Variants in CLUH observed in about 807,000 individuals in gnomAD.
CLUH encodes clustered mitochondria protein homolog.
A neutral mutation model predicts 139.3 loss-of-function variants in CLUH; 77 were observed. That is an observed-to-expected ratio of 0.55 (90% CI 0.46 to 0.67). The LOEUF (loss-of-function observed/expected upper bound fraction) is 0.67. Among genes scored for constraint, CLUH ranks in the 30% least tolerant of loss-of-function variants. The pLI is 0.00. For synonymous variants in CLUH, 999 were observed against 801.6 expected, an observed-to-expected ratio of 1.25 and a Z score of -4.16; for missense variants, 1,876 against 1,875.8, an observed-to-expected ratio of 1.00 and a Z score of 0.00.
Position 2,703,665 on chromosome 17 carries a change from C to G in CLUH, c.304-176G>C, listed in dbSNP as rs1236593566. Among the ~76,000 whole-genome samples, 1 of 152,204 alleles carries G rather than the reference C, an allele frequency of 6.6e-6. No homozygotes were observed. Among genetic ancestry groups the G allele is most frequent in the Non-Finnish European group, 1.5e-5 (1 of 68,030 alleles). On this transcript the variant is annotated intron_variant, in intron 2 of 25. Coordinates refer to ENST00000651024, the MANE Select transcript of CLUH (RefSeq NM_001366661.1). This position sits in a 1 kb window ranked among gnomAD's most constrained non-coding sequence, Gnocchi z 4.2. The stretch of plus-strand genomic sequence containing the variant: ...CCCCAAATACTCGAATATCGGCTAT[C>G]CCACTTTCTGGCTTTTAAATCCAGG...
chr17:2,709,891 G>A (rs559064130), intron 1 of CLUH, among the ~76,000 whole-genome samples: 5 of 152,248 alleles, frequency 3.3e-5, no homozygotes, highest in African/African-American at 4.8e-5. Context: ...TCCTGCCCAC[G>A]AGTATGCTCC....
intron 12 of CLUH, 22 bp from the exon 13 acceptor site, chr17:2,696,281 G>A: frequency 1.3e-6 from 2 of 1,553,504 alleles, no homozygotes; most frequent in Non-Finnish European, 1.7e-6. Context: ...AGAGCAGAGA[G>A]GCTGAGCCAG....
intron 3 of CLUH, 88 bp from the exon 4 acceptor site, chr17:2,702,145 A>G (rs2070209622): frequency 6.8e-7 from 1 of 1,465,190 alleles, no homozygotes; most frequent in African/African-American, 1.4e-5. Flanking sequence ...TGGAGGTGCT[A>G]ACACAGTGGT....
At position 2,690,181 on chromosome 17, in the gene CLUH, T is replaced by G. The variant is rs2069567064; in HGVS notation, c.*413A>C. The G allele has an allele frequency of 5.7e-6, 1 of 175,682 alleles. No individual in the cohort carries two copies. Among genetic ancestry groups the G allele is most frequent in the African/African-American group, 2.4e-5 (1 of 42,378 alleles). 10.9% of individuals were successfully genotyped at this position (175,682 alleles called of 1,614,324 possible). ...CATCATGTCGACCATACAAATGACCTGAGAAATCCCGTCTGCGCGTCACCC... is the reference window on the plus strand; with the variant it reads ...CATCATGTCGACCATACAAATGACCGGAGAAATCCCGTCTGCGCGTCACCC... On this transcript the variant is annotated 3_prime_UTR_variant, in exon 26 of 26. Transcript: ENST00000651024.
chr17:2,694,193 G>A lies in CLUH; in HGVS notation c.3021C>T (p.Val1007=), dbSNP rs761213320. Residue 1007 remains valine, a synonymous_variant, in exon 18 of 26, where the codon GTC becomes GTT. Coordinates refer to ENST00000651024, the MANE Select transcript of CLUH (RefSeq NM_001366661.1). ...EEDVLNIFPV[V]KHVNPKASDA... is the part of the protein sequence containing the mutation. ...CCGAGGCCTTGGGGTTGACGTGCTT[G>A]ACCACGGGGAAGATGTTGAGCACGT... The A allele has an allele frequency of 6.2e-7, 1 of 1,613,302 alleles. No individual in the cohort carries two copies. The highest frequency in any genetic ancestry group is 8.5e-7 in the Non-Finnish European group (1 of 1,179,618).
rs532925246 is a variant in CLUH at position 2,691,562 on chromosome 17, CA to C, written c.3863+46del. The C allele has an allele frequency of 1.7e-4, 266 of 1,583,698 alleles. No individual in the cohort carries two copies. The African/African-American group carries it at 3.2e-3, about 19-fold the overall frequency. ...GGTGACAGGGCGAGACTCCGACTCACAAAAAACCCCCAACCGGGAGACACTC... is the reference window on the plus strand; with the variant it reads ...GGTGACAGGGCGAGACTCCGACTCACAAAAACCCCCAACCGGGAGACACTC... On this transcript the variant is annotated intron_variant, in intron 25 of 25. Transcript: ENST00000651024.
chr17:2,693,438 G>A (rs2069794387), intron 19 of CLUH, among the ~76,000 whole-genome samples: 1 of 152,134 alleles, frequency 6.6e-6, no homozygotes, highest in Non-Finnish European at 1.5e-5. Flanking sequence ...TTTATAAACA[G>A]AAGAAAAAAC....
At position 2,706,978 on chromosome 17, in the gene CLUH, C is replaced by A. The variant is rs749308904; in HGVS notation, c.101-2414G>T. ...CTCCTTCCCCAGCCCAGGGAGACGA[C>A]CCTCAGGGGGTACCTATTCCCTATC... On this transcript the variant is annotated intron_variant, in intron 1 of 25. Transcript: ENST00000651024. The surrounding 1 kb of genome is among the most constrained non-coding windows in gnomAD (Gnocchi z 4.6). Among the ~76,000 whole-genome samples the A allele has an allele frequency of 6.6e-6, 1 of 152,218 alleles. No homozygotes were observed. Among genetic ancestry groups the A allele is most frequent in the Non-Finnish European group, 1.5e-5 (1 of 68,034 alleles).
chr17:2,706,081 A>G lies in CLUH; in HGVS notation c.101-1517T>C, dbSNP rs2070341470. ...CCCTTCCAGAAAGAAGAGCTCGCCC[A>G]GCTCTGCCCATCCCATCTAGACCCC... On this transcript the variant is annotated intron_variant, in intron 1 of 25. Transcript: ENST00000651024. The surrounding 1 kb of genome is among the most constrained non-coding windows in gnomAD (Gnocchi z 4.6). Among the ~76,000 whole-genome samples the G allele has an allele frequency of 6.6e-6, 1 of 152,090 alleles. No homozygotes were observed. Among genetic ancestry groups the G allele is most frequent in the Non-Finnish European group, 1.5e-5 (1 of 67,996 alleles).
intron 16 of CLUH, 35 bp downstream of exon 16, chr17:2,694,822 T>TTCCCCCC: frequency 1.5e-5 from 20 of 1,346,328 alleles, no homozygotes; most frequent in Non-Finnish European, 1.8e-5. Flanking sequence ...ATCTGCCCAA[T>TTCCCCCC]CCCACCCACC....
intron 13 of CLUH, chr17:2,695,876 G>A: frequency 1.0e-5 from 6 of 581,110 alleles, no homozygotes; most frequent in Non-Finnish European, 1.5e-5. Context: ...GGAGGAGGAT[G>A]GGCAGCCCCC....
chr17:2,691,278 G>A (rs2069617001), intron 25 of CLUH, among the ~76,000 whole-genome samples: 1 of 152,198 alleles, frequency 6.6e-6, no homozygotes, highest in Non-Finnish European at 1.5e-5. Context: ...AGATAAGCGG[G>A]GCGGGCCGGG....
At position 2,697,976 on chromosome 17, in the gene CLUH, G is replaced by A; in HGVS notation, c.1881C>T (p.Ala627=). Residue 627 remains alanine (A), a synonymous_variant, in exon 10 of 26, where the codon GCC becomes GCT. Transcript: ENST00000651024. ...VPGEELPEEC[A]RAGFPRAHRH... is the part of the protein sequence containing the mutation. Reference sequence around the variant, plus strand: ...GGTGGGCGCGGGGGAAGCCGGCGCGGGCGCATTCCTCAGGCAGCTCCTCGC... The same window carrying A: ...GGTGGGCGCGGGGGAAGCCGGCGCGAGCGCATTCCTCAGGCAGCTCCTCGC... 1.3e-6 allele frequency: 2 copies of A among 1,583,792 alleles called. No homozygotes were observed. The highest frequency in any genetic ancestry group is 1.7e-6 in the Non-Finnish European group (2 of 1,170,548).
Position 2,700,711 on chromosome 17 carries a change from C to G in CLUH, c.1140G>C (p.Ser380=). 6.5e-7 allele frequency: 1 copy of G among 1,534,702 alleles called. No homozygotes were observed. The highest frequency in any genetic ancestry group is 8.7e-7 in the Non-Finnish European group (1 of 1,145,170). The stretch of plus-strand genomic sequence containing the variant: ...GAATGTGCTCCTCATAGCCCAGCCT[C>G]GAGGTGTAGGCGTCCTCTGCACGCA... ...DCVRAEDAYT[S]RLGYEEHIPG... Residue 380 remains serine (S), a synonymous_variant, in exon 8 of 26, where the codon TCG becomes TCC. Coordinates refer to ENST00000651024, the MANE Select transcript of CLUH (RefSeq NM_001366661.1).
At chr17:2,702,321 C>T (rs952202709) in intron 3 of CLUH, among the ~76,000 whole-genome samples, 1 of 152,242 alleles carries the variant, frequency 6.6e-6, no homozygotes, top group African/African-American at 2.4e-5. Context: ...GAAGCACACA[C>T]AGGCCTCAGG....
intron 12 of CLUH, 51 bp downstream of exon 12, chr17:2,696,383 C>A (rs1163569731): frequency 3.3e-6 from 5 of 1,528,048 alleles, no homozygotes; most frequent in Non-Finnish European, 4.4e-6. Context: ...GGCCCCCCAG[C>A]GAAGCTCTGG....
chr17:2,701,182 C>T lies in CLUH; in HGVS notation c.983G>A (p.Ser328Asn). 2 of 1,613,968 alleles carry T rather than the reference C, an allele frequency of 1.2e-6. No individual in the cohort carries two copies. The highest frequency in any genetic ancestry group is 1.7e-6 in the Non-Finnish European group (2 of 1,179,890). Reference protein sequence around the residue: ...HSLVELLNQISPTFKKNFAVL... With the variant: ...HSLVELLNQINPTFKKNFAVL... ...AGCGAAGTTCTTCTTGAAGGTCGGG[C>T]TGATCTGGTTGAGCAGCTCCACTAG... The change falls in exon 7 of 26, where the codon AGC (serine) becomes AAC (asparagine). Residue 328 changes from serine to asparagine, a missense_variant. This residue lies in a region of CLUH where 270 missense variants were observed against 354.7 expected (regional missense o/e 0.76). Coordinates refer to ENST00000651024, the MANE Select transcript of CLUH (RefSeq NM_001366661.1).
rs1160976271 is a variant in CLUH, at chr17:2,698,103, G to A, written c.1754C>T (p.Ser585Phe). Residue 585 changes from serine to phenylalanine, a missense_variant, in exon 10 of 26, where the codon TCC becomes TTC. Coordinates refer to ENST00000651024, the MANE Select transcript of CLUH (RefSeq NM_001366661.1). ...AATGATGCCCTTGCACTCGACCGAG[G>A]AGCAGAGCTCCACCTCCTCGTCACG... ...NDRDEEVELC[S>F]SVECKGIIGN... The A allele has an allele frequency of 6.2e-7, 1 of 1,602,796 alleles. No individual in the cohort carries two copies. The highest frequency in any genetic ancestry group is 2.3e-5 in the East Asian group (1 of 44,362).
At position 2,703,283 on chromosome 17, in the gene CLUH, C is replaced by T; in HGVS notation, c.475+35G>A. 5.7e-6 allele frequency: 9 copies of T among 1,584,646 alleles called. No individual in the cohort carries two copies. Among genetic ancestry groups the T allele is most frequent in the South Asian group, 1.1e-5 (1 of 87,546 alleles). On this transcript the variant is annotated intron_variant, in intron 3 of 25. Transcript: ENST00000651024. This position sits in a 1 kb window ranked among gnomAD's most constrained non-coding sequence, Gnocchi z 4.2. Reference sequence around the variant, plus strand: ...CTGCCTGCCTCTGCCTCCGTGGGCCCTCCCCCGGGCAGGCTGTCCAACTTC... The same window carrying T: ...CTGCCTGCCTCTGCCTCCGTGGGCCTTCCCCCGGGCAGGCTGTCCAACTTC...
Sources: gnomAD v4.1 joint callset for allele counts (sites outside exome capture counted in the v4.1 genomes callset) on GRCh38, gnomAD v4.1.1 for gene constraint, gnomAD v4.1.1 regional missense constraint, Gnocchi (gnomAD v3.1) non-coding constraint, MANE v1.5 for transcripts, NCBI Gene and HGNC (gene_info 2026-07-23, HGNC 2026-07-21) for gene names.